The following SLC12A7 variants were observed in gnomAD, a reference collection of about 807,000 sequenced individuals.
SLC12A7 encodes solute carrier family 12 member 7, also known as K-Cl cotransporter 4.
A neutral mutation model predicts 120.6 loss-of-function variants in SLC12A7; 100 were observed. That is an observed-to-expected ratio of 0.83 (90% CI 0.71 to 0.98). The LOEUF is 0.98. SLC12A7 is among the 50% of genes least tolerant of loss of function. SLC12A7 has a pLI of 0.00. For missense variants in SLC12A7, 1,373 were observed against 1,548.1 expected (o/e 0.89, Z 1.90); for synonymous variants, 760 against 678.0 (o/e 1.12, Z -1.88).
chr5:1,094,068 C>T lies in SLC12A7; in HGVS notation c.219+86G>A, dbSNP rs553857498. On this transcript the variant is annotated intron_variant, in intron 2 of 23. Transcript: ENST00000264930. ...TGGTGTCCAGTCCTGTGGGAGGCCCCGGCCTGGGGGCCCCCAGGGGCTCCT... is the reference window on the plus strand; with the variant it reads ...TGGTGTCCAGTCCTGTGGGAGGCCCTGGCCTGGGGGCCCCCAGGGGCTCCT... 1.0e-4 allele frequency: 106 copies of T among 1,046,878 alleles called. 1 individual carries two copies. The South Asian group carries it at 1.1e-3, about 11-fold the overall frequency. 64.8% of individuals were successfully genotyped at this position (1,046,878 alleles called of 1,614,324 possible).
intron 17 of SLC12A7, among the ~76,000 whole-genome samples, chr5:1,067,253 C>G (rs55703420): frequency 6.6e-6 from 1 of 152,202 alleles, no homozygotes; most frequent in Non-Finnish European, 1.5e-5. Context: ...CACGTTACCC[C>G]CAAGGGGCAC....
At chr5:1,053,655 A>G (rs768115909) in intron 22 of SLC12A7, among the ~76,000 whole-genome samples, 173 bp from the exon 23 acceptor site, 16 of 152,210 alleles carry the variant, frequency 1.1e-4, no homozygotes, top group Non-Finnish European at 2.4e-4. Context: ...CTCCGAGCGA[A>G]AGGCGCTGAC....
the SLC12A7 span, among the ~76,000 whole-genome samples, chr5:1,130,588 C>A: frequency 9.1e-4 from 129 of 141,236 alleles, no homozygotes; most frequent in Middle Eastern, 4.5e-3. Flanking sequence ...GGGCGGCTGC[C>A]CGCGCAGGTC....
At position 1,051,330 on chromosome 5, in the gene SLC12A7, G is replaced by C. The variant is rs527439122; in HGVS notation, c.*1030C>G. 5.2e-3 allele frequency: 859 copies of C among 165,408 alleles called. 9 individuals carry two copies. The highest frequency in any genetic ancestry group is 5.0e-3 in the Non-Finnish European group (385 of 77,178). The allele number at this position is 165,408 out of a possible 1,614,324, so 10.2% of individuals were successfully genotyped here. The stretch of plus-strand genomic sequence containing the variant: ...CGTGTCCTCCTTCCCTGGAGCACCG[G>C]GGTGGGGATGGCACGTGTGAGCCAG... On this transcript the variant is annotated 3_prime_UTR_variant, in exon 24 of 24. Coordinates refer to ENST00000264930, the MANE Select transcript of SLC12A7 (RefSeq NM_006598.3).
chr5:1,081,077 C>CAGAGAGAGAGAGAGAG (rs1561070280), intron 9 of SLC12A7, among the ~76,000 whole-genome samples: 1 of 14,316 alleles, frequency 7.0e-5, no homozygotes, highest in Non-Finnish European at 8.1e-4. Context: ...GAGAGAGAGA[C>CAGAGAGAGAGAGAGAG]AGACAGAGAG....
chr5:1,073,780 C>T lies in SLC12A7; in HGVS notation c.2094G>A (p.Leu698=). Residue 698 remains leucine (L), a synonymous_variant, in exon 17 of 24, where the codon CTG becomes CTA. Coordinates refer to ENST00000264930, the MANE Select transcript of SLC12A7 (RefSeq NM_006598.3). The stretch of plus-strand genomic sequence containing the variant: ...TCACGGCCTGCTCCGCGTCCAGGTT[C>T]AGCATCACCAGCACCTGGGGCCTGC... ...KNWRPQVLVM[L]NLDAEQAVKH... 1.4e-6 allele frequency: 2 copies of T among 1,453,652 alleles called. No individual in the cohort carries two copies. The highest frequency in any genetic ancestry group is 2.4e-5 in the Admixed American group (1 of 40,880). The allele number at this position is 1,453,652 out of a possible 1,614,324, so 90.0% of individuals were successfully genotyped here.
the SLC12A7 span, among the ~76,000 whole-genome samples, chr5:1,120,934 A>T: frequency 0.63 from 95,590 of 152,086 alleles, 30,251 homozygotes; most frequent in African/African-American, 0.68. Context: ...GGCCTGCCCG[A>T]GCTCGGAGCT....
In SLC12A7 at chr5:1,052,233, G is replaced by A. The variant is rs1735112669; in HGVS notation, c.*127C>T. 7 of 802,650 alleles carry A rather than the reference G, an allele frequency of 8.7e-6. No homozygotes were observed. Among genetic ancestry groups the A allele is most frequent in the Non-Finnish European group, 1.3e-5 (6 of 464,368 alleles). 49.7% of individuals were successfully genotyped at this position (802,650 alleles called of 1,614,324 possible). On this transcript the variant is annotated 3_prime_UTR_variant, in exon 24 of 24. Transcript: ENST00000264930. ...TAGAAACTTCCGTAGGAAGCCCCATGGGCAGCTTGGGCGGCATCACTGGGG... is the reference window on the plus strand; with the variant it reads ...TAGAAACTTCCGTAGGAAGCCCCATAGGCAGCTTGGGCGGCATCACTGGGG...
chr5:1,128,862 A>T, the SLC12A7 span, among the ~76,000 whole-genome samples: 1 of 152,226 alleles, frequency 6.6e-6, no homozygotes, highest in East Asian at 1.9e-4. Context: ...GTGCACACAC[A>T]TGCAGAAACC....
At chr5:1,090,707 C>G (rs1579404924) in intron 3 of SLC12A7, among the ~76,000 whole-genome samples, 1 of 152,334 alleles carries the variant, frequency 6.6e-6, no homozygotes, top group Non-Finnish European at 1.5e-5. Context: ...GCCCTCCAGG[C>G]TCAGCCTCAA....
At chr5:1,054,709 C>T (rs555801282) in intron 22 of SLC12A7, among the ~76,000 whole-genome samples, 2 of 152,342 alleles carry the variant, frequency 1.3e-5, no homozygotes, top group African/African-American at 2.4e-5. Flanking sequence ...AGAGGCCCCA[C>T]GGACGCTATC....
chr5:1,140,338 C>T, the SLC12A7 span, among the ~76,000 whole-genome samples: 9 of 152,328 alleles, frequency 5.9e-5, no homozygotes, highest in East Asian at 1.9e-4. Context: ...GAATCCTGAC[C>T]GCCAATCTGC....
chr5:1,138,503 C>T, the SLC12A7 span, among the ~76,000 whole-genome samples: 6 of 152,192 alleles, frequency 3.9e-5, no homozygotes, highest in South Asian at 2.1e-4. Flanking sequence ...AGAGGCCCAG[C>T]GGGCTTCACC....
chr5:1,054,741 G>A (rs963445031), intron 22 of SLC12A7, among the ~76,000 whole-genome samples: 2 of 152,212 alleles, frequency 1.3e-5, no homozygotes, highest in Admixed American at 6.5e-5. Context: ...CCTTTGATCC[G>A]CTTGACGCTT....
intron 3 of SLC12A7, among the ~76,000 whole-genome samples, chr5:1,090,788 C>A (rs543169893): frequency 1.4e-3 from 208 of 152,322 alleles, no homozygotes; most frequent in African/African-American, 4.4e-3. Flanking sequence ...TGACTCCTCA[C>A]GGAAGGGCAT....
At chr5:1,084,107 C>G (rs1156951981) in intron 7 of SLC12A7, 151 bp from the exon 8 acceptor site, 1 of 674,614 alleles carries the variant, frequency 1.5e-6, no homozygotes, top group Non-Finnish European at 2.6e-6. Context: ...CAGATCACGC[C>G]AGGGACCGGG....
At chr5:1,092,444 C>T (rs959525012) in intron 3 of SLC12A7, among the ~76,000 whole-genome samples, 29 of 152,366 alleles carry the variant, frequency 1.9e-4, no homozygotes, top group African/African-American at 5.5e-4. Context: ...CTCAGCACCT[C>T]CTTCCTTCCT....
At chr5:1,062,415 GAC>G (rs1382160007) in intron 20 of SLC12A7, among the ~76,000 whole-genome samples, 1 of 152,220 alleles carries the variant, frequency 6.6e-6, no homozygotes, top group Non-Finnish European at 1.5e-5. Flanking sequence ...CGTCCCCGAA[GAC>G]ACAGCCACAT....
chr5:1,079,523 AC>A, intron 9 of SLC12A7, 27 bp from the exon 10 acceptor site: 1 of 1,588,550 alleles, frequency 6.3e-7, no homozygotes, highest in Non-Finnish European at 8.6e-7. Flanking sequence ...TGCTGCAAAG[AC>A]CCATCTGAGG....
Sources: allele counts gnomAD v4.1 joint callset (sites outside exome capture counted in the v4.1 genomes callset), GRCh38; gene constraint gnomAD v4.1.1; transcripts MANE v1.5; gene names NCBI Gene and HGNC (gene_info 2026-07-23, HGNC 2026-07-21).